Variants in ZNF664 observed in about 807,000 individuals in gnomAD.
ZNF664 encodes zinc finger Organ of Corti 1.
A neutral mutation model predicts 18.2 loss-of-function variants in ZNF664; 10 were observed. The observed-to-expected ratio is 0.55, with a 90% CI of 0.34 to 0.93. The LOEUF (loss-of-function observed/expected upper bound fraction) is 0.93. Among genes scored for constraint, ZNF664 ranks in the 40% least tolerant of loss-of-function variants. The probability of loss-of-function intolerance (pLI) is 0.02; values close to 1 mark genes in which losing one functional copy is unlikely to be tolerated. For missense variants in ZNF664, 193 were observed against 319.0 expected (o/e 0.61, Z 3.01); for synonymous variants, 119 against 104.2 (o/e 1.14, Z -0.86).
At chr12:123,989,550 A>G (rs192975140) in intron 3 of ZNF664, 2 of 152,290 alleles carry the variant, frequency 1.3e-5, no homozygotes, top group Admixed American at 6.5e-5. Context: ...GGAGTTCTCC[A>G]TGTGATCCAG....
At position 123,982,419 on chromosome 12, in the gene ZNF664, G is replaced by A. The variant is rs917644406; in HGVS notation, c.-756-5624G>A. The stretch of plus-strand genomic sequence containing the variant: ...GGCTTCTCCTGCTCACTGTGTGTCT[G>A]CCCTATGCTTCTATGTGTGCCTGCC... On this transcript the variant is annotated intron_variant, in intron 2 of 4. Coordinates refer to ENST00000337815, the MANE Select transcript of ZNF664 (RefSeq NM_152437.3). Among the ~76,000 whole-genome samples, 9 of 152,218 alleles carry A rather than the reference G, an allele frequency of 5.9e-5. No homozygotes were observed. The South Asian group carries it at 1.2e-3, about 21-fold the overall frequency.
At chr12:123,976,106 T>C (rs545491632) in intron 2 of ZNF664, among the ~76,000 whole-genome samples, 147 of 152,364 alleles carry the variant, frequency 9.6e-4, no homozygotes, top group Non-Finnish European at 1.5e-3. Context: ...AATCAACTTA[T>C]TTTGTTCTCT....
At chr12:123,989,088 A>G (rs1956858110) in intron 3 of ZNF664, among the ~76,000 whole-genome samples, 1 of 152,014 alleles carries the variant, frequency 6.6e-6, no homozygotes, top group African/African-American at 2.4e-5. Flanking sequence ...AACAAGGAGG[A>G]TTGGCTGTGG....
Position 123,973,253 on chromosome 12 carries a change from C to G in ZNF664, c.-991C>G. ...GAGGCGTCTGGGTGTGCGGAGCGCGCGCGCGCGCGGCTCGGAGGCGCACCT... is the reference window on the plus strand; with the variant it reads ...GAGGCGTCTGGGTGTGCGGAGCGCGGGCGCGCGCGGCTCGGAGGCGCACCT... On this transcript the variant is annotated 5_prime_UTR_variant, in exon 1 of 5. Transcript: ENST00000337815. 1 of 996,010 alleles carries G rather than the reference C, an allele frequency of 1.0e-6. No homozygotes were observed. The highest frequency in any genetic ancestry group is 1.2e-6 in the Non-Finnish European group (1 of 839,664). 61.7% of individuals were successfully genotyped at this position (996,010 alleles called of 1,614,324 possible). A position where few individuals can be genotyped will look rare whatever the true frequency, so the allele number is the denominator to read the frequency against.
At position 124,007,744 on chromosome 12, in the gene ZNF664, A is replaced by G. The variant is rs181667318; in HGVS notation, c.-660-3637A>G. Among the ~76,000 whole-genome samples the G allele has an allele frequency of 9.8e-5, 15 of 152,306 alleles. No homozygotes were observed. In the East Asian group the frequency reaches 2.9e-3, roughly 29 times the overall value. On this transcript the variant is annotated intron_variant, in intron 3 of 4. Transcript: ENST00000337815. Reference sequence around the variant, plus strand: ...TTTCAACCATACACAATATTTTACAATAGAATCTTTTAGAGTAGACTATTA... The same window carrying G: ...TTTCAACCATACACAATATTTTACAGTAGAATCTTTTAGAGTAGACTATTA...
intron 2 of ZNF664, chr12:123,974,342 C>T (rs994979628): frequency 5.9e-5 from 16 of 270,854 alleles, no homozygotes; most frequent in African/African-American, 3.5e-4. Flanking sequence ...GACCAGATAC[C>T]GAAAAAAGAT....
rs567027468 is a variant in ZNF664, at chr12:123,979,089, G to A, written c.-757+5069G>A. ...GATACACTGGAAATGATGTGTTTTA[G>A]GTAGGCCATTTAGGTAAGACCAAGA... On this transcript the variant is annotated intron_variant, in intron 2 of 4. Transcript: ENST00000337815. Among the ~76,000 whole-genome samples, 11 of 152,254 alleles carry A rather than the reference G, an allele frequency of 7.2e-5. No individual in the cohort carries two copies. In the South Asian group the frequency reaches 2.1e-3, roughly 29 times the overall value.
rs1479042882 is a variant in ZNF664 at position 124,010,811 on chromosome 12, G to A, written c.-660-570G>A. On this transcript the variant is annotated intron_variant, in intron 3 of 4. Transcript: ENST00000337815. Reference sequence around the variant, plus strand: ...GATGAAAACAGAGTCTAGCCGGGGGGCCTCTTTAGGTAGGGGAGGGGCAGC... The same window carrying A: ...GATGAAAACAGAGTCTAGCCGGGGGACCTCTTTAGGTAGGGGAGGGGCAGC... Among the ~76,000 whole-genome samples the A allele has an allele frequency of 2.0e-5, 3 of 152,338 alleles. No individual in the cohort carries two copies. The East Asian group carries it at 5.8e-4, about 29-fold the overall frequency.
intron 3 of ZNF664, among the ~76,000 whole-genome samples, chr12:123,990,301 T>A (rs1327424315): frequency 6.6e-6 from 1 of 152,236 alleles, no homozygotes; most frequent in East Asian, 1.9e-4. Context: ...CCACAATTTT[T>A]AAAAATGCAT....
At chr12:124,006,975 A>C (rs993681127) in intron 3 of ZNF664, among the ~76,000 whole-genome samples, 14 of 152,194 alleles carry the variant, frequency 9.2e-5, no homozygotes, top group African/African-American at 3.1e-4. Flanking sequence ...GTGGGGTTCC[A>C]TAACCTGTAT....
intron 1 of ZNF664, chr12:123,973,681 C>A: frequency 1.1e-6 from 1 of 877,336 alleles, no homozygotes; most frequent in Non-Finnish European, 1.5e-6. Context: ...GGGCGAGGCC[C>A]CTCGGGAGCC....
At chr12:123,980,361 T>G (rs1487286391) in intron 2 of ZNF664, among the ~76,000 whole-genome samples, 1 of 152,144 alleles carries the variant, frequency 6.6e-6, no homozygotes, top group Admixed American at 6.5e-5. Flanking sequence ...GCCTAGTACC[T>G]AAAAGGATGT....
chr12:123,982,264 G>A (rs942315344), intron 2 of ZNF664, among the ~76,000 whole-genome samples: 1 of 152,186 alleles, frequency 6.6e-6, no homozygotes, highest in African/African-American at 2.4e-5. Flanking sequence ...AAAAGGTAGC[G>A]GAGAAAGTGC....
At chr12:123,995,029 G>C (rs1956931494) in intron 3 of ZNF664, among the ~76,000 whole-genome samples, 1 of 152,212 alleles carries the variant, frequency 6.6e-6, no homozygotes. Flanking sequence ...TGATGAAAAT[G>C]TACTATTTGC....
At chr12:123,983,574 CT>C (rs1956791525) in intron 2 of ZNF664, among the ~76,000 whole-genome samples, 1 of 152,210 alleles carries the variant, frequency 6.6e-6, no homozygotes, top group African/African-American at 2.4e-5. Context: ...GAGCAGACCC[CT>C]GTCCCAAAGA....
chr12:123,986,825 A>G (rs958931266), intron 2 of ZNF664, among the ~76,000 whole-genome samples: 5 of 152,198 alleles, frequency 3.3e-5, no homozygotes, highest in Non-Finnish European at 7.3e-5. Context: ...TAAGGGAGGA[A>G]AAAACCTGGC....
chr12:123,993,906 A>G (rs1459705692), intron 3 of ZNF664, among the ~76,000 whole-genome samples: 1 of 152,206 alleles, frequency 6.6e-6, no homozygotes, highest in Non-Finnish European at 1.5e-5. Flanking sequence ...TGGGGCACCC[A>G]TGATGTCAGC....
At chr12:123,974,341 C>G (rs1382245002) in intron 2 of ZNF664, 1 of 276,088 alleles carries the variant, frequency 3.6e-6, no homozygotes, top group Non-Finnish European at 6.7e-6. Context: ...AGACCAGATA[C>G]CGAAAAAAGA....
Position 124,012,171 on chromosome 12 carries a change from G to C in ZNF664, c.27G>C (p.Arg9Ser). 6.2e-7 allele frequency: 1 copy of C among 1,611,814 alleles called. No homozygotes were observed. Among genetic ancestry groups the C allele is most frequent in the Non-Finnish European group, 8.5e-7 (1 of 1,179,518 alleles). Residue 9 changes from arginine to serine, a missense_variant, in exon 5 of 5, where the codon AGG (arginine) becomes AGC (serine). Around this residue, in one of 3 missense-constraint regions of ZNF664, gnomAD observed 90 missense variants for 118.9 expected, o/e 0.76. Transcript: ENST00000337815. Reference protein sequence around the residue: MIYKCPMCREFFSERADLF... With the variant: MIYKCPMCSEFFSERADLF... ...TGATCTACAAGTGCCCCATGTGTAG[G>C]GAATTTTTCTCTGAGAGAGCAGATC...
Sources: gnomAD v4.1 joint callset for allele counts (sites outside exome capture counted in the v4.1 genomes callset) on GRCh38, gnomAD v4.1.1 for gene constraint, gnomAD v4.1.1 regional missense constraint, MANE v1.5 for transcripts, NCBI Gene and HGNC (gene_info 2026-07-23, HGNC 2026-07-21) for gene names.